The following DKK3 variants were observed in gnomAD, a reference collection of about 807,000 sequenced individuals.
DKK3 encodes dickkopf Wnt signaling pathway inhibitor 3.
A neutral mutation model predicts 33.2 loss-of-function variants in DKK3; 22 were observed. The ratio of observed to expected loss-of-function variants is 0.66; its 90% CI spans 0.47 to 0.95. The LOEUF (loss-of-function observed/expected upper bound fraction) is 0.95. Among genes scored for constraint, DKK3 ranks in the 40% least tolerant of loss-of-function variants. DKK3 has a pLI of 0.00. For synonymous variants in DKK3, 194 were observed against 188.8 expected, an observed-to-expected ratio of 1.03 and a Z score of -0.23; for missense variants, 398 against 458.4, an observed-to-expected ratio of 0.87 and a Z score of 1.20.
intron 3 of DKK3, 156 bp from the exon 4 acceptor site, chr11:11,968,643 CCTGCCTGGCTGCA>C: frequency 3.3e-6 from 2 of 598,830 alleles, no homozygotes; most frequent in South Asian, 4.8e-5. Flanking sequence ...GCTCCTGATC[CCTGCCTGGCTGCA>C]CTGCCCTTCA....
Position 12,002,369 on chromosome 11 carries a change from A to G in DKK3, c.282T>C (p.Tyr94=), listed in dbSNP as rs1286267528. 6.2e-7 allele frequency: 1 copy of G among 1,614,116 alleles called. No homozygotes were observed. Among genetic ancestry groups the G allele is most frequent in the African/African-American group, 1.3e-5 (1 of 75,028 alleles). Residue 94 remains tyrosine, a synonymous_variant, in exon 2 of 7, where the codon TAT becomes TAC. Transcript: ENST00000683431. The stretch of plus-strand genomic sequence containing the variant: ...TCGTGTCTGTGTTGGTCTCATTGTG[A>G]TAGCTGGGAGGTAAGTTTGCCAGGT... ...EVNLANLPPS[Y]HNETNTDTKV...
intron 1 of DKK3, among the ~76,000 whole-genome samples, chr11:12,004,722 T>C (rs1465007764): frequency 3.9e-5 from 6 of 152,196 alleles, no homozygotes. Context: ...GACCATGCAG[T>C]AGATATAAGA....
chr11:11,990,320 G>A (rs1848161543), intron 3 of DKK3, among the ~76,000 whole-genome samples: 4 of 152,188 alleles, frequency 2.6e-5, no homozygotes, highest in African/African-American at 9.7e-5. Context: ...TCACTTATCT[G>A]TCCTGTCTAC....
chr11:11,967,928 T>C (rs1752961798), intron 4 of DKK3, among the ~76,000 whole-genome samples: 1 of 152,166 alleles, frequency 6.6e-6, no homozygotes, highest in Admixed American at 6.5e-5. Flanking sequence ...GCTGCCGCTC[T>C]CCCTGCCTGG....
At chr11:11,970,490 T>A (rs1169079560) in intron 3 of DKK3, among the ~76,000 whole-genome samples, 1 of 152,166 alleles carries the variant, frequency 6.6e-6, no homozygotes, top group African/African-American at 2.4e-5. Flanking sequence ...GTGGGTGGAA[T>A]AACAGCACCC....
chr11:11,996,854 T>G (rs1848305729), intron 3 of DKK3, among the ~76,000 whole-genome samples: 2 of 152,170 alleles, frequency 1.3e-5, no homozygotes. Flanking sequence ...GGAGACTGCA[T>G]GGGCAGGTGT....
In DKK3 at chr11:12,007,435, C is replaced by T. The variant is rs140461243; in HGVS notation, c.213+935G>A. Among the ~76,000 whole-genome samples the T allele has an allele frequency of 2.8e-3, 429 of 152,308 alleles. 2 individuals carry two copies. The highest frequency in any genetic ancestry group is 4.6e-3 in the Non-Finnish European group (316 of 68,022). ...CACCCCAGGCACCAGGGACAGCTCC[C>T]CGCACCTGGACAGAGAGGGCTGGGC... On this transcript the variant is annotated intron_variant, in intron 1 of 6. Coordinates refer to ENST00000683431, the MANE Select transcript of DKK3 (RefSeq NM_001018057.2).
chr11:12,008,563 G>A lies in DKK3; in HGVS notation c.20C>T (p.Thr7Ile), dbSNP rs1439882222. 3 of 1,512,304 alleles carry A rather than the reference G, an allele frequency of 2.0e-6. No individual in the cohort carries two copies. Among genetic ancestry groups the A allele is most frequent in the Non-Finnish European group, 2.6e-6 (3 of 1,137,984 alleles). 93.7% of individuals were successfully genotyped at this position (1,512,304 alleles called of 1,614,324 possible). A position where few individuals can be genotyped will look rare whatever the true frequency, so the allele number is the denominator to read the frequency against. MQRLGATLLCLLLAAAV... is the reference protein window; with the variant it reads MQRLGAILLCLLLAAAV... ...CGCCGCCAGCAGCAGGCACAGCAGG[G>A]TGGCCCCAAGCCGCTGCATCTCCGC... The change falls in exon 1 of 7, where the codon ACC (threonine) becomes ATC (isoleucine). Residue 7 changes from threonine to isoleucine, a missense_variant. Transcript: ENST00000683431. The surrounding 1 kb of genome is among the most constrained non-coding windows in gnomAD (Gnocchi z 4.6).
intron 3 of DKK3, chr11:11,968,781 A>G: frequency 3.4e-6 from 1 of 290,848 alleles, no homozygotes; most frequent in Non-Finnish European, 6.4e-6. Context: ...GCGGGAGCAC[A>G]GGGACTCAGG....
At chr11:12,008,957 C>T, upstream of DKK3, 2 of 1,015,712 alleles carry the variant, frequency 2.0e-6, no homozygotes, top group Non-Finnish European at 1.2e-6. This position sits in a 1 kb window ranked among gnomAD's most constrained non-coding sequence, Gnocchi z 4.6. Flanking sequence ...AGACTCTGTC[C>T]CCGGTTCAAA....
intron 2 of DKK3, 141 bp from the exon 3 acceptor site, chr11:11,998,920 TGAG>T (rs1473392567): frequency 5.7e-6 from 4 of 700,848 alleles, no homozygotes; most frequent in Non-Finnish European, 9.8e-6. Flanking sequence ...GCTTTCTTTC[TGAG>T]TTCCCCCAGC....
chr11:11,978,386 T>TTTCTTC (rs1175688317), intron 3 of DKK3, among the ~76,000 whole-genome samples: 10 of 115,600 alleles, frequency 8.7e-5, no homozygotes, highest in African/African-American at 2.6e-4. Context: ...ATGTGCAGCT[T>TTTCTTC]TTCTTCTTCT....
Position 11,968,432 on chromosome 11 carries a change from A to G in DKK3, c.491T>C (p.Phe164Ser). ...GPSMYCQFAS[F>S]QYTCQPCRGQ... ...CCGGCATGGCTGGCAGGTGTACTGGAAGCTGGCAAACTGGCAGTACATGCT... is the reference window on the plus strand; with the variant it reads ...CCGGCATGGCTGGCAGGTGTACTGGGAGCTGGCAAACTGGCAGTACATGCT... The change falls in exon 4 of 7, where the codon TTC (phenylalanine) becomes TCC (serine). Residue 164 changes from phenylalanine (F) to serine (S), a missense_variant. Transcript: ENST00000683431. 6.2e-7 allele frequency: 1 copy of G among 1,613,334 alleles called. No individual in the cohort carries two copies. Among genetic ancestry groups the G allele is most frequent in the Non-Finnish European group, 8.5e-7 (1 of 1,179,634 alleles).
At chr11:11,999,622 C>A (rs1848381226) in intron 2 of DKK3, among the ~76,000 whole-genome samples, 1 of 150,964 alleles carries the variant, frequency 6.6e-6, no homozygotes, top group Non-Finnish European at 1.5e-5. Context: ...AGTGAGACTC[C>A]ATCTCAAAAA....
intron 3 of DKK3, among the ~76,000 whole-genome samples, chr11:11,988,520 G>A (rs957592894): frequency 2.6e-5 from 4 of 152,272 alleles, no homozygotes; most frequent in East Asian, 1.9e-4. Context: ...CCTACCTCCC[G>A]GGAAGCCCTC....
intron 3 of DKK3, among the ~76,000 whole-genome samples, chr11:11,981,085 T>C (rs1327689987): frequency 1.3e-5 from 2 of 152,208 alleles, no homozygotes; most frequent in African/African-American, 4.8e-5. Context: ...CATACCGTCC[T>C]CATCCTAGCA....
At position 11,964,319 on chromosome 11, in the gene DKK3, C is replaced by T. The variant is rs899460663; in HGVS notation, c.*145G>A. The T allele has an allele frequency of 1.3e-5, 14 of 1,051,578 alleles. No homozygotes were observed. The highest frequency in any genetic ancestry group is 3.0e-4 in the Middle Eastern group (1 of 3,336). 65.1% of individuals were successfully genotyped at this position (1,051,578 alleles called of 1,614,324 possible). A position where few individuals can be genotyped will look rare whatever the true frequency, so the allele number is the denominator to read the frequency against. ...AGCCTGGGGGAGCTGAACAAATGCA[C>T]AACACCTCATGCTGTCAAGCCAGAG... On this transcript the variant is annotated 3_prime_UTR_variant, in exon 7 of 7. Coordinates refer to ENST00000683431, the MANE Select transcript of DKK3 (RefSeq NM_001018057.2).
chr11:11,977,865 A>T (rs1847868430), intron 3 of DKK3, among the ~76,000 whole-genome samples: 1 of 152,168 alleles, frequency 6.6e-6, no homozygotes, highest in African/African-American at 2.4e-5. Context: ...TAGGGGCCTC[A>T]AAGTGGGGAA....
chr11:12,005,504 G>A (rs984772282), intron 1 of DKK3, among the ~76,000 whole-genome samples: 3 of 152,190 alleles, frequency 2.0e-5, no homozygotes, highest in Non-Finnish European at 4.4e-5. Context: ...AGAATACATT[G>A]ATTGGTAGCA....
Sources: allele counts gnomAD v4.1 joint callset (sites outside exome capture counted in the v4.1 genomes callset), GRCh38; gene constraint gnomAD v4.1.1; non-coding constraint Gnocchi (gnomAD v3.1); transcripts MANE v1.5; gene names NCBI Gene and HGNC (gene_info 2026-07-23, HGNC 2026-07-21).